Variants in GDF1 observed in about 807,000 individuals in gnomAD.
GDF1 encodes growth differentiation factor 1, also known as embryonic growth/differentiation factor 1.
A neutral mutation model predicts 7.4 loss-of-function variants in GDF1; 8 were observed. That is an observed-to-expected ratio of 1.09 (90% CI 0.64 to 1.96). The LOEUF is 1.96. Ranked by LOEUF, GDF1 falls within the 30% of genes most tolerant of loss-of-function variation. GDF1 has a pLI of 0.00. For synonymous variants in GDF1, 311 were observed against 276.7 expected (o/e 1.12, Z -1.23); for missense variants, 574 against 551.5 (o/e 1.04, Z -0.41).
intron 6 of GDF1, chr19:18,877,955 A>G: frequency 4.1e-6 from 4 of 983,482 alleles, no homozygotes; most frequent in Non-Finnish European, 4.8e-6. Context: ...TCTACACCCA[A>G]GGCGAATCTG....
intron 6 of GDF1, among the ~76,000 whole-genome samples, chr19:18,873,033 A>G (rs1159900366): frequency 6.6e-6 from 1 of 152,102 alleles, no homozygotes; most frequent in African/African-American, 2.4e-5. Flanking sequence ...GCAGAGAGAG[A>G]AGGATGATGC....
At chr19:18,892,300 C>A (rs2056509904) in intron 2 of GDF1, among the ~76,000 whole-genome samples, 1 of 152,076 alleles carries the variant, frequency 6.6e-6, no homozygotes, top group African/African-American at 2.4e-5. Flanking sequence ...AAACCCAATC[C>A]TCTCCATGCT....
At chr19:18,892,534 A>C (rs563989396) in intron 2 of GDF1, among the ~76,000 whole-genome samples, 4 of 152,164 alleles carry the variant, frequency 2.6e-5, no homozygotes, top group Admixed American at 1.3e-4. Flanking sequence ...GAATGGCGTG[A>C]ACCCAGGAGG....
chr19:18,877,339 C>T (rs1299443099), intron 6 of GDF1, among the ~76,000 whole-genome samples: 2 of 152,188 alleles, frequency 1.3e-5, no homozygotes, highest in Non-Finnish European at 2.9e-5. Flanking sequence ...CCACCATGAG[C>T]TCACTGTTCT....
Position 18,896,123 on chromosome 19 carries a change from G to A in GDF1, c.-1373C>T, listed in dbSNP as rs2056622572. On this transcript the variant is annotated 5_prime_UTR_variant, in exon 1 of 8. Coordinates refer to ENST00000247005, the MANE Select transcript of GDF1 (RefSeq NM_001492.6). This position sits in a 1 kb window ranked among gnomAD's most constrained non-coding sequence, Gnocchi z 5.9. ...TCGCCTGCGCCCGCCCGCGGTAGCCGACGGAGCCGCGCGCCCCGCGTCACG... is the reference window on the plus strand; with the variant it reads ...TCGCCTGCGCCCGCCCGCGGTAGCCAACGGAGCCGCGCGCCCCGCGTCACG... The A allele has an allele frequency of 8.1e-6, 6 of 737,066 alleles. No individual in the cohort carries two copies. Among genetic ancestry groups the A allele is most frequent in the Non-Finnish European group, 9.9e-6 (6 of 606,406 alleles). 45.7% of individuals were successfully genotyped at this position (737,066 alleles called of 1,614,324 possible).
At chr19:18,891,671 G>T (rs1438319395) in intron 2 of GDF1, among the ~76,000 whole-genome samples, 2 of 151,954 alleles carry the variant, frequency 1.3e-5, no homozygotes, top group Non-Finnish European at 2.9e-5. Flanking sequence ...TCCACCTACC[G>T]GGTTCAAGCA....
At chr19:18,890,271 T>C (rs919971275) in intron 2 of GDF1, among the ~76,000 whole-genome samples, 1 of 152,176 alleles carries the variant, frequency 6.6e-6, no homozygotes, top group Admixed American at 6.5e-5. Flanking sequence ...CACAGCACAC[T>C]GCCTCTTCTC....
At chr19:18,890,875 A>G (rs915598657) in intron 2 of GDF1, among the ~76,000 whole-genome samples, 1 of 148,332 alleles carries the variant, frequency 6.7e-6, no homozygotes, top group African/African-American at 2.5e-5. Flanking sequence ...TGTAATCCTG[A>G]CACTTTGGGA....
intron 7 of GDF1, 30 bp downstream of exon 7, chr19:18,869,953 A>G: frequency 1.3e-6 from 2 of 1,558,674 alleles, no homozygotes; most frequent in Non-Finnish European, 1.7e-6. Context: ...GGCCTCCAGG[A>G]CCAGTGTCCC....
At chr19:18,876,087 C>T (rs941371973) in intron 6 of GDF1, among the ~76,000 whole-genome samples, 6 of 152,154 alleles carry the variant, frequency 3.9e-5, no homozygotes, top group Admixed American at 6.6e-5. Flanking sequence ...CGAGTTCAAG[C>T]GATTCTCCTG....
At position 18,893,440 on chromosome 19, in the gene GDF1, G is replaced by A; in HGVS notation, c.-938C>T. 6.2e-7 allele frequency: 1 copy of A among 1,605,350 alleles called. No homozygotes were observed. ...CCGTAGAAGACAGATGGTGGGTCAT[G>A]GAAGAAGGGGTAGTCGGTGCCAAAC... is the stretch of plus-strand genomic sequence containing the variant. On this transcript the variant is annotated 5_prime_UTR_variant, in exon 2 of 8. Coordinates refer to ENST00000247005, the MANE Select transcript of GDF1 (RefSeq NM_001492.6).
rs765067887 is a variant in GDF1 at position 18,878,060 on chromosome 19, G to A, written c.-313+870C>T. ...TAAATGTCTGCATCTCGCACCTCCC[G>A]TTCCAAAAAACGTCACGGAGCTCTG... is the stretch of plus-strand genomic sequence containing the variant. On this transcript the variant is annotated intron_variant, in intron 6 of 7. Transcript: ENST00000247005. This position sits in a 1 kb window ranked among gnomAD's most constrained non-coding sequence, Gnocchi z 4.6. The A allele has an allele frequency of 5.1e-6, 5 of 985,384 alleles. No individual in the cohort carries two copies. The highest frequency in any genetic ancestry group is 4.8e-6 in the Non-Finnish European group (4 of 829,944). The allele number at this position is 985,384 out of a possible 1,614,324, so 61.0% of individuals were successfully genotyped here. A position where few individuals can be genotyped will look rare whatever the true frequency, so the allele number is the denominator to read the frequency against.
intron 6 of GDF1, among the ~76,000 whole-genome samples, chr19:18,873,103 C>A (rs912503395): frequency 2.0e-5 from 3 of 152,132 alleles, no homozygotes; most frequent in African/African-American, 2.4e-5. Flanking sequence ...GGAGACAAGA[C>A]CCCCTGGGCT....
At position 18,868,934 on chromosome 19, in the gene GDF1, C is replaced by A; in HGVS notation, c.782G>T (p.Gly261Val). The change falls in exon 8 of 8, where the codon GGC becomes GTC. Residue 261 changes from glycine to valine, a missense_variant. Coordinates refer to ENST00000247005, the MANE Select transcript of GDF1 (RefSeq NM_001492.6). ...CGCGCGACAAGCGCCCCCGGGGCCG[C>A]CGCCCAACACGGGTTCGGCGTCGCG... Reference protein sequence around the residue: ...PRRDAEPVLGGGPGGACRARR... With the variant: ...PRRDAEPVLGVGPGGACRARR... 1 of 1,292,276 alleles carries A rather than the reference C, an allele frequency of 7.7e-7. No homozygotes were observed. Among genetic ancestry groups the A allele is most frequent in the Non-Finnish European group, 9.9e-7 (1 of 1,013,190 alleles). 80.1% of individuals were successfully genotyped at this position (1,292,276 alleles called of 1,614,324 possible).
In GDF1 at chr19:18,869,160, A is replaced by C. The variant is rs1344026515; in HGVS notation, c.556T>G (p.Leu186Val). The change falls in exon 8 of 8, where the codon TTG becomes GTG. Residue 186 changes from leucine to valine, a missense_variant. By Grantham distance (32) the Leu-to-Val change is conservative. Coordinates refer to ENST00000247005, the MANE Select transcript of GDF1 (RefSeq NM_001492.6). ...ADPGPVLLRQ[L>V]VPALGPPVRA... ...ACTGGCGGCCCCAGGGCGGGCACCA[A>C]CTGGCGGAGCAGCACCGGCCCGGGG... The C allele has an allele frequency of 8.8e-7, 1 of 1,136,226 alleles. No homozygotes were observed. Among genetic ancestry groups the C allele is most frequent in the Admixed American group, 5.0e-5 (1 of 19,950 alleles). 70.4% of individuals were successfully genotyped at this position (1,136,226 alleles called of 1,614,324 possible).
intron 2 of GDF1, among the ~76,000 whole-genome samples, chr19:18,885,632 G>A (rs1346765059): frequency 6.7e-6 from 1 of 149,152 alleles, no homozygotes; most frequent in East Asian, 2.0e-4. Flanking sequence ...TGATTCTCCT[G>A]CCTCAGCATG....
chr19:18,879,160 C>T (rs2056128377), intron 5 of GDF1, 81 bp downstream of exon 5: 1 of 1,598,680 alleles, frequency 6.3e-7, no homozygotes, highest in African/African-American at 1.3e-5. Flanking sequence ...ACGTGCCCCT[C>T]CCCGGGACTG....
rs2055946287 is a variant in GDF1 at position 18,870,360 on chromosome 19, C to A, written c.-53G>T. Reference sequence around the variant, plus strand: ...GCGCAGGGTCCGCGGCGGCCCGGGACCAGTGGGCTGAGGGCGGGGCCGGTG... The same window carrying A: ...GCGCAGGGTCCGCGGCGGCCCGGGAACAGTGGGCTGAGGGCGGGGCCGGTG... On this transcript the variant is annotated 5_prime_UTR_variant, in exon 7 of 8. Coordinates refer to ENST00000247005, the MANE Select transcript of GDF1 (RefSeq NM_001492.6). The surrounding 1 kb of genome is among the most constrained non-coding windows in gnomAD (Gnocchi z 5.1). The A allele has an allele frequency of 6.5e-7, 1 of 1,538,980 alleles. No individual in the cohort carries two copies. Among genetic ancestry groups the A allele is most frequent in the African/African-American group, 1.4e-5 (1 of 72,572 alleles).
chr19:18,896,026 A>G lies in GDF1; in HGVS notation c.-1276T>C. 2.0e-6 allele frequency: 2 copies of G among 1,001,046 alleles called. No individual in the cohort carries two copies. Among genetic ancestry groups the G allele is most frequent in the Non-Finnish European group, 2.4e-6 (2 of 841,468 alleles). The allele number at this position is 1,001,046 out of a possible 1,614,324, so 62.0% of individuals were successfully genotyped here. A position where few individuals can be genotyped will look rare whatever the true frequency, so the allele number is the denominator to read the frequency against. On this transcript the variant is annotated 5_prime_UTR_variant, in exon 1 of 8. It removes an upstream start codon present in the reference 5' UTR. Transcript: ENST00000247005. This position sits in a 1 kb window ranked among gnomAD's most constrained non-coding sequence, Gnocchi z 5.9. The stretch of plus-strand genomic sequence containing the variant: ...CTGCACTAGCTGCGCGTAGCTCGGC[A>G]TGGGCTCGGGCCCCGTCGGCCCCGC...
Sources: gnomAD v4.1 joint callset for allele counts (sites outside exome capture counted in the v4.1 genomes callset) on GRCh38, gnomAD v4.1.1 for gene constraint, Gnocchi (gnomAD v3.1) non-coding constraint, MANE v1.5 for transcripts, NCBI Gene and HGNC (gene_info 2026-07-23, HGNC 2026-07-21) for gene names.